The following DNAJC5 variants were observed in gnomAD, a reference collection of about 807,000 sequenced individuals.
DNAJC5 encodes DnaJ heat shock protein family (Hsp40) member C5.
A neutral mutation model predicts 23.2 loss-of-function variants in DNAJC5; 1 was observed. The observed-to-expected ratio is 0.04, with a 90% CI of 0.02 to 0.20. The LOEUF is 0.20. Among genes scored for constraint, DNAJC5 ranks in the 10% least tolerant of loss-of-function variants. DNAJC5 has a pLI of 1.00. For missense variants in DNAJC5, 180 were observed against 267.0 expected (o/e 0.67, Z 2.27); for synonymous variants, 136 against 120.0 (o/e 1.13, Z -0.87).
At chr20:63,897,351 G>A (rs1379169838) in intron 1 of DNAJC5, among the ~76,000 whole-genome samples, 2 of 152,024 alleles carry the variant, frequency 1.3e-5, no homozygotes, top group East Asian at 3.9e-4. Flanking sequence ...CCGAGATCGC[G>A]CCACTGCACT....
chr20:63,908,309 G>A (rs145262107), intron 1 of DNAJC5, among the ~76,000 whole-genome samples: 177 of 152,312 alleles, frequency 1.2e-3, no homozygotes, highest in South Asian at 5.8e-3. Context: ...GGAAAGTCAG[G>A]GCCGTTTCCA....
At position 63,901,998 on chromosome 20, in the gene DNAJC5, G is replaced by A. The variant is rs974651724; in HGVS notation, c.-12+6675G>A. ...TTAAAATCTGAGATTTTACATTTTT[G>A]CCAGTCGCAATAAATTTTGTTAGTT... On this transcript the variant is annotated intron_variant, in intron 1 of 4. Coordinates refer to ENST00000360864, the MANE Select transcript of DNAJC5 (RefSeq NM_025219.3). 2.0e-5 allele frequency among the ~76,000 whole-genome samples: 3 copies of A among 151,902 alleles called. No homozygotes were observed. In the South Asian group the frequency reaches 6.2e-4, roughly 32 times the overall value.
At chr20:63,922,043 T>G (rs2053577745) in intron 1 of DNAJC5, among the ~76,000 whole-genome samples, 1 of 152,086 alleles carries the variant, frequency 6.6e-6, no homozygotes, top group Non-Finnish European at 1.5e-5. Flanking sequence ...CCTCCCAAAG[T>G]GCTGGAATTA....
intron 1 of DNAJC5, among the ~76,000 whole-genome samples, chr20:63,899,019 C>A (rs1268209159): frequency 6.6e-6 from 1 of 152,150 alleles, no homozygotes; most frequent in African/African-American, 2.4e-5. Flanking sequence ...CTGTGCTAGG[C>A]CTTCCTTCGT....
At chr20:63,921,126 A>T (rs1009957955) in intron 1 of DNAJC5, among the ~76,000 whole-genome samples, 4 of 151,824 alleles carry the variant, frequency 2.6e-5, no homozygotes, top group South Asian at 4.2e-4. Flanking sequence ...CGCCCGGCTA[A>T]TTTTGCATTT....
Position 63,899,802 on chromosome 20 carries a change from C to G in DNAJC5, c.-12+4479C>G, listed in dbSNP as rs1023293354. On this transcript the variant is annotated intron_variant, in intron 1 of 4. Transcript: ENST00000360864. ...TTCGCGGTGTTAGCCAGGATGGTCT[C>G]GATCTCCTGACCTTGTGATCCGCCC... 3.3e-5 allele frequency among the ~76,000 whole-genome samples: 5 copies of G among 150,926 alleles called. No individual in the cohort carries two copies. In the East Asian group the frequency reaches 9.8e-4, roughly 30 times the overall value.
intron 1 of DNAJC5, among the ~76,000 whole-genome samples, chr20:63,907,230 G>A (rs1384386219): frequency 6.6e-6 from 1 of 152,220 alleles, no homozygotes; most frequent in African/African-American, 2.4e-5. Flanking sequence ...CTGAGAATCA[G>A]TTACGATGTA....
intron 1 of DNAJC5, among the ~76,000 whole-genome samples, chr20:63,927,760 A>G (rs1296111007): frequency 3.3e-5 from 5 of 152,334 alleles, no homozygotes; most frequent in African/African-American, 9.6e-5. Flanking sequence ...TTTGTCCACT[A>G]ACATTGAATT....
At chr20:63,913,092 T>C (rs1600867509) in intron 1 of DNAJC5, among the ~76,000 whole-genome samples, 1 of 152,224 alleles carries the variant, frequency 6.6e-6, no homozygotes, top group Admixed American at 6.5e-5. Flanking sequence ...TCTCCCTGTC[T>C]GCACTGTCTC....
chr20:63,926,995 G>A (rs76281820), intron 1 of DNAJC5, among the ~76,000 whole-genome samples: 1,812 of 152,348 alleles, frequency 0.012, 32 homozygotes, highest in African/African-American at 0.041. Flanking sequence ...GAGGTGTGTT[G>A]TTGAATATCA....
At chr20:63,913,451 C>T (rs1200894831) in intron 1 of DNAJC5, among the ~76,000 whole-genome samples, 1 of 151,380 alleles carries the variant, frequency 6.6e-6, no homozygotes, top group African/African-American at 2.4e-5. Context: ...GGCTGGAGTG[C>T]AGTGGTGCGG....
At chr20:63,917,915 G>C (rs1483645398) in intron 1 of DNAJC5, among the ~76,000 whole-genome samples, 1 of 152,178 alleles carries the variant, frequency 6.6e-6, no homozygotes, top group Non-Finnish European at 1.5e-5. Flanking sequence ...GGCACTGCCT[G>C]TCTTCTCACG....
At chr20:63,917,708 A>G (rs1009148456) in intron 1 of DNAJC5, among the ~76,000 whole-genome samples, 8 of 151,690 alleles carry the variant, frequency 5.3e-5, no homozygotes, top group Non-Finnish European at 1.0e-4. Context: ...GGCATGCGCC[A>G]TCACACCGAG....
intron 1 of DNAJC5, among the ~76,000 whole-genome samples, chr20:63,915,168 C>T (rs1337842946): frequency 6.6e-6 from 1 of 152,062 alleles, no homozygotes; most frequent in East Asian, 1.9e-4. Flanking sequence ...CAAGCCCAGG[C>T]CAACTCCTGA....
In DNAJC5 at chr20:63,934,657, C is replaced by A. The variant is rs1424100076; in HGVS notation, c.*3089C>A. 1.3e-5 allele frequency: 2 copies of A among 152,388 alleles called. No individual in the cohort carries two copies. Among genetic ancestry groups the A allele is most frequent in the Middle Eastern group, 3.4e-3 (1 of 294 alleles). 9.4% of individuals were successfully genotyped at this position (152,388 alleles called of 1,614,324 possible). A position where few individuals can be genotyped will look rare whatever the true frequency, so the allele number is the denominator to read the frequency against. On this transcript the variant is annotated 3_prime_UTR_variant, in exon 5 of 5. Transcript: ENST00000360864. ...TATTTTTAAACTGCTTTAGATATTA[C>A]TGCTCAGTGTTTGTGAACTTTCCTA...
chr20:63,926,122 C>G (rs1243463136), intron 1 of DNAJC5, among the ~76,000 whole-genome samples: 1 of 152,228 alleles, frequency 6.6e-6, no homozygotes, highest in African/African-American at 2.4e-5. Flanking sequence ...GCCACGGCGC[C>G]TGGCCTTCTG....
intron 1 of DNAJC5, among the ~76,000 whole-genome samples, chr20:63,921,583 T>G (rs2053573059): frequency 7.5e-6 from 1 of 132,936 alleles, no homozygotes; most frequent in Non-Finnish European, 1.5e-5. Context: ...AGAGCGAGAC[T>G]CCGTCTCAAA....
At chr20:63,921,133 A>G (rs1055798163) in intron 1 of DNAJC5, among the ~76,000 whole-genome samples, 3 of 151,732 alleles carry the variant, frequency 2.0e-5, no homozygotes, top group African/African-American at 7.3e-5. Context: ...CTAATTTTGC[A>G]TTTTTAGTAG....
intron 1 of DNAJC5, among the ~76,000 whole-genome samples, chr20:63,903,971 A>G (rs2053431166): frequency 6.6e-6 from 1 of 152,146 alleles, no homozygotes; most frequent in Non-Finnish European, 1.5e-5. Flanking sequence ...CTGTGGTCCC[A>G]GCTACTCGAG....
Sources: gnomAD v4.1 joint callset for allele counts (sites outside exome capture counted in the v4.1 genomes callset) on GRCh38, gnomAD v4.1.1 for gene constraint, MANE v1.5 for transcripts, NCBI Gene and HGNC (gene_info 2026-07-23, HGNC 2026-07-21) for gene names.